Variants in DNAH17 observed in about 807,000 individuals in gnomAD.
DNAH17 encodes the protein dynein axonemal heavy chain 17.
DNAH17 carries 376 observed loss-of-function variants against 485.6 expected under a neutral mutation model. The ratio of observed to expected loss-of-function variants is 0.77; its 90% CI spans 0.71 to 0.84. DNAH17 has a LOEUF of 0.84. DNAH17 is among the 40% of genes least tolerant of loss of function. DNAH17 has a pLI of 0.00. For synonymous variants in DNAH17, 3,031 were observed against 2,405.9 expected, an observed-to-expected ratio of 1.26 and a Z score of -7.60; for missense variants, 6,370 against 5,839.3, an observed-to-expected ratio of 1.09 and a Z score of -2.96.
intron 11 of DNAH17, among the ~76,000 whole-genome samples, chr17:78,564,630 C>T (rs775604100): frequency 2.6e-5 from 4 of 152,046 alleles, no homozygotes; most frequent in Admixed American, 6.6e-5. Context: ...TATGCTAGAG[C>T]GAAACTACCT....
At chr17:78,425,876 C>T (rs2146404816) in intron 79 of DNAH17, among the ~76,000 whole-genome samples, 1 of 151,278 alleles carries the variant, frequency 6.6e-6, no homozygotes, top group African/African-American at 2.4e-5. Flanking sequence ...AGCAATTCTC[C>T]TGCCTCAGCT....
intron 19 of DNAH17, among the ~76,000 whole-genome samples, chr17:78,533,845 T>C (rs898260184): frequency 6.6e-6 from 1 of 151,998 alleles, no homozygotes; most frequent in African/African-American, 2.4e-5. Flanking sequence ...CCACCATGCC[T>C]GGCTAATTTT....
intron 55 of DNAH17, among the ~76,000 whole-genome samples, chr17:78,467,755 G>C (rs1352532016): frequency 6.6e-6 from 1 of 152,094 alleles, no homozygotes; most frequent in Non-Finnish European, 1.5e-5. Flanking sequence ...CGAAAATCAA[G>C]GTGTGGCCAG....
At position 78,507,290 on chromosome 17, in the gene DNAH17, G is replaced by A. The variant is rs374679701; in HGVS notation, c.4664C>T (p.Ala1555Val). The A allele has an allele frequency of 3.0e-5, 48 of 1,613,862 alleles. No individual in the cohort carries two copies. The Middle Eastern group carries it at 8.2e-4, about 28-fold the overall frequency. Reference sequence around the variant, plus strand: ...GTGTGAGCCGCACCTCTTCTTCAGGGCCTCCAGTTTATTGTAGAGGCCGGG... The same window carrying A: ...GTGTGAGCCGCACCTCTTCTTCAGGACCTCCAGTTTATTGTAGAGGCCGGG... ...SKPGLYNKLE[A>V]LKKSLAICEK... The change falls in exon 29 of 81, where the codon GCC becomes GTC. Residue 1555 changes from alanine to valine, a missense_variant. Ala to Val is a moderately conservative substitution (Grantham distance 64). Coordinates refer to ENST00000389840, the MANE Select transcript of DNAH17 (RefSeq NM_173628.4).
intron 55 of DNAH17, among the ~76,000 whole-genome samples, chr17:78,468,016 CAAA>C (rs1250610248): frequency 4.5e-5 from 4 of 88,590 alleles, no homozygotes; most frequent in Non-Finnish European, 9.0e-5. Flanking sequence ...AACTCCATCT[CAAA>C]AAAAAAAAAA....
In DNAH17 at chr17:78,459,010, G is replaced by C. The variant is rs760192078; in HGVS notation, c.9852C>G (p.Asn3284Lys). ...EAQEKLSRIK[N>K]KIAELNANLS... The stretch of plus-strand genomic sequence containing the variant: ...GCGAGCCGGCACTTACGGCAATCTT[G>C]TTTTTGATCCGGGACAGCTTCTCTT... The change falls in exon 61 of 81, where the codon AAC (asparagine) becomes AAG (lysine). Residue 3284 changes from asparagine (N) to lysine (K), a missense_variant. By Grantham distance (94) the Asn-to-Lys change is moderately conservative. Transcript: ENST00000389840. 1.9e-6 allele frequency: 3 copies of C among 1,614,058 alleles called. No individual in the cohort carries two copies. In the African/African-American group the frequency reaches 4.0e-5, roughly 21 times the overall value.
At chr17:78,426,400 G>A in intron 79 of DNAH17, 57 bp downstream of exon 79, 3 of 1,514,436 alleles carry the variant, frequency 2.0e-6, no homozygotes, top group Non-Finnish European at 2.7e-6. Context: ...GGTGTGCCGA[G>A]CTCTGGGCAC....
intron 54 of DNAH17, chr17:78,472,711 G>A (rs1196260120): frequency 1.1e-5 from 5 of 454,868 alleles, no homozygotes; most frequent in Admixed American, 2.4e-5. Context: ...GGTCACGCAC[G>A]CTGTCTCGGC....
intron 12 of DNAH17, 122 bp from the exon 13 acceptor site, chr17:78,561,057 CT>C: frequency 2.3e-6 from 2 of 879,932 alleles, no homozygotes; most frequent in East Asian, 5.3e-5. Context: ...TTACTCGAGG[CT>C]CACAGACTGA....
Position 78,427,074 on chromosome 17 carries a change from A to G in DNAH17, c.12623T>C (p.Ile4208Thr). 1 of 1,589,678 alleles carries G rather than the reference A, an allele frequency of 6.3e-7. No homozygotes were observed. The highest frequency in any genetic ancestry group is 8.6e-7 in the Non-Finnish European group (1 of 1,168,146). The change falls in exon 78 of 81, where the codon ATT (isoleucine) becomes ACT (threonine). Residue 4208 changes from isoleucine to threonine, a missense_variant. Coordinates refer to ENST00000389840, the MANE Select transcript of DNAH17 (RefSeq NM_173628.4). Reference protein sequence around the residue: ...KAVLDDILEKIPETFNMAEIM... With the variant: ...KAVLDDILEKTPETFNMAEIM... Reference sequence around the variant, plus strand: ...CTCAGCCATGTTGAAAGTCTCCGGAATCTTCTCCAGGATGTCGTCCAGCAC... The same window carrying G: ...CTCAGCCATGTTGAAAGTCTCCGGAGTCTTCTCCAGGATGTCGTCCAGCAC...
rs989407231 is a variant in DNAH17 at position 78,451,761 on chromosome 17, C to T, written c.10530-88G>A. The T allele has an allele frequency of 6.7e-6, 8 of 1,194,006 alleles. No homozygotes were observed. The African/African-American group carries it at 1.3e-4, about 19-fold the overall frequency. The allele number at this position is 1,194,006 out of a possible 1,614,324, so 74.0% of individuals were successfully genotyped here. ...TACAGACCACCTTTCACCCCAGCCCCAGGCCAGGCCGCCACCTTGAACCCT... is the reference window on the plus strand; with the variant it reads ...TACAGACCACCTTTCACCCCAGCCCTAGGCCAGGCCGCCACCTTGAACCCT... On this transcript the variant is annotated intron_variant, in intron 65 of 80. Coordinates refer to ENST00000389840, the MANE Select transcript of DNAH17 (RefSeq NM_173628.4).
At chr17:78,539,265 G>C (rs2091459374) in intron 18 of DNAH17, among the ~76,000 whole-genome samples, 2 of 152,104 alleles carry the variant, frequency 1.3e-5, no homozygotes, top group Non-Finnish European at 1.5e-5. Context: ...AGAAGATACA[G>C]GTAGGAAAGG....
In DNAH17 at chr17:78,548,839, T is replaced by C. The variant is rs370924522; in HGVS notation, c.2391+2696A>G. ...TGTTTTTGCTAGTTTTGAGACGGCA[T>C]CTGAGGGCATGTGCCTGGGAGCCAG... On this transcript the variant is annotated intron_variant, in intron 16 of 80. Transcript: ENST00000389840. Among the ~76,000 whole-genome samples, 191 of 152,354 alleles carry C rather than the reference T, an allele frequency of 1.3e-3. 7 individuals are homozygous for C. The South Asian group carries it at 0.039, about 31-fold the overall frequency.
chr17:78,497,210 C>T (rs1046936152), intron 37 of DNAH17, among the ~76,000 whole-genome samples: 29 of 152,150 alleles, frequency 1.9e-4, no homozygotes, highest in African/African-American at 6.0e-4. Context: ...CATCAGGGGC[C>T]GTTGCCTGCT....
intron 56 of DNAH17, among the ~76,000 whole-genome samples, chr17:78,465,644 C>T (rs1443707501): frequency 6.7e-6 from 1 of 149,162 alleles, no homozygotes; most frequent in Non-Finnish European, 1.5e-5. Context: ...AGGTGAGGAG[C>T]GTCTCTGCCT....
intron 76 of DNAH17, 46 bp from the exon 77 acceptor site, chr17:78,428,753 T>C: frequency 1.9e-6 from 3 of 1,603,516 alleles, no homozygotes; most frequent in Non-Finnish European, 2.6e-6. Context: ...CTGTGCAGGC[T>C]GAAACCCATG....
Position 78,425,405 on chromosome 17 carries a change from C to T in DNAH17, c.13082G>A (p.Arg4361Gln), listed in dbSNP as rs528176382. 96 of 1,613,984 alleles carry T rather than the reference C, an allele frequency of 5.9e-5. No homozygotes were observed. Among genetic ancestry groups the T allele is most frequent in the East Asian group, 1.8e-4 (8 of 44,882 alleles). The change falls in exon 80 of 81, where the codon CGA becomes CAA. Residue 4361 changes from arginine to glutamine, a missense_variant. Physicochemically the swap from Arg to Gln is conservative, Grantham distance 43. Coordinates refer to ENST00000389840, the MANE Select transcript of DNAH17 (RefSeq NM_173628.4). Reference protein sequence around the residue: ...CLSVEVTKKNREDMTAPPREG... With the variant: ...CLSVEVTKKNQEDMTAPPREG... Reference sequence around the variant, plus strand: ...TCGCGGAGGAGCGGTCATGTCCTCTCGGTTTTTCTTGGTCACCTCGACAGA... The same window carrying T: ...TCGCGGAGGAGCGGTCATGTCCTCTTGGTTTTTCTTGGTCACCTCGACAGA...
rs867014764 is a variant in DNAH17, at chr17:78,515,005, C to T, written c.3882G>A (p.Glu1294=). 6.2e-6 allele frequency: 10 copies of T among 1,613,856 alleles called. 1 individual carries two copies. The Middle Eastern group carries it at 8.2e-4, about 133-fold the overall frequency. The change falls in exon 26 of 81, where the codon GAG becomes GAA. Residue 1294 remains glutamate (E), a synonymous_variant. Coordinates refer to ENST00000389840, the MANE Select transcript of DNAH17 (RefSeq NM_173628.4). ...DMVVVVNTSI[E]DWKTTKWKDI... is the part of the protein sequence containing the mutation. The stretch of plus-strand genomic sequence containing the variant: ...CTTTCCACTTGGTGGTCTTCCAGTC[C>T]TCGATGCTGGTATTTACCTGAAACG...
In DNAH17 at chr17:78,495,131, C is replaced by T. The variant is rs376462191; in HGVS notation, c.5904-34G>A. On this transcript the variant is annotated intron_variant, in intron 38 of 80. Coordinates refer to ENST00000389840, the MANE Select transcript of DNAH17 (RefSeq NM_173628.4). The stretch of plus-strand genomic sequence containing the variant: ...GTCAGCGGTGCCTGTGGGCTTCTGC[C>T]CACTCCCTCCCCAACCTACACCCCT... 2.1e-3 allele frequency: 3,343 copies of T among 1,557,120 alleles called. 7 individuals are homozygous for T. Among genetic ancestry groups the T allele is most frequent in the Non-Finnish European group, 2.7e-3 (3,122 of 1,150,084 alleles).
Sources: gnomAD v4.1 joint callset for allele counts (sites outside exome capture counted in the v4.1 genomes callset) on GRCh38, gnomAD v4.1.1 for gene constraint, MANE v1.5 for transcripts, NCBI Gene and HGNC (gene_info 2026-07-23, HGNC 2026-07-21) for gene names.